Variants in PI4KA observed in about 807,000 individuals in gnomAD.
PI4KA encodes PI4-kinase alpha.
PI4KA carries 122 observed loss-of-function variants against 271.4 expected under a neutral mutation model. That is an observed-to-expected ratio of 0.45 (90% confidence interval 0.39 to 0.52). PI4KA has a LOEUF of 0.52. Ranked by LOEUF, PI4KA falls within the 20% of genes least tolerant of loss-of-function variation. PI4KA has a pLI of 0.00. For missense variants in PI4KA, 1,969 were observed against 2,769.1 expected (o/e 0.71, Z 6.48); for synonymous variants, 1,041 against 1,078.8 (o/e 0.96, Z 0.69).
chr22:20,793,500 T>C, intron 18 of PI4KA: 1 of 392,134 alleles, frequency 2.6e-6, no homozygotes, highest in South Asian at 3.8e-5. Context: ...TAATTAGATA[T>C]GACACAGCTA....
chr22:20,759,374 G>A lies in PI4KA; in HGVS notation c.2791+1930C>T, dbSNP rs553158365. ...TGATTTTTAAAAAACATTTCTTGAA[G>A]CGTTGATTTTTCTTTTTCTTTTCTT... On this transcript the variant is annotated intron_variant, in intron 23 of 54. Coordinates refer to ENST00000255882, the MANE Select transcript of PI4KA (RefSeq NM_058004.4). Among the ~76,000 whole-genome samples, 5 of 148,180 alleles carry A rather than the reference G, an allele frequency of 3.4e-5. No homozygotes were observed. In the South Asian group the frequency reaches 8.7e-4, roughly 26 times the overall value.
chr22:20,708,075 T>C lies in PI4KA; in HGVS notation c.6281A>G (p.Gln2094Arg). 6.2e-7 allele frequency: 1 copy of C among 1,613,564 alleles called. No individual in the cohort carries two copies. The highest frequency in any genetic ancestry group is 8.5e-7 in the Non-Finnish European group (1 of 1,179,566). The change falls in exon 55 of 55, where the codon CAG becomes CGG. Residue 2094 changes from glutamine (Q) to arginine (R), a missense_variant. Coordinates refer to ENST00000255882, the MANE Select transcript of PI4KA (RefSeq NM_058004.4). ...GTAGGGGATGTCATTCTGATAGTAC[T>C]GGATCATGTCGTAGGTCCGGCTCCT... ...SNRSRTYDMIQYYQNDIPY is the reference protein window; with the variant it reads ...SNRSRTYDMIRYYQNDIPY
At chr22:20,786,670 G>C (rs538492371) in intron 19 of PI4KA, among the ~76,000 whole-genome samples, 36 of 152,264 alleles carry the variant, frequency 2.4e-4, no homozygotes, top group African/African-American at 8.7e-4. Context: ...TGCCAAGAGG[G>C]AACATGAACC....
At chr22:20,747,853 G>T in intron 28 of PI4KA, 151 bp from the exon 29 acceptor site, 1 of 734,154 alleles carries the variant, frequency 1.4e-6, no homozygotes, top group Non-Finnish European at 2.2e-6. Flanking sequence ...TCCCGCCTCA[G>T]CTTCCCAAGT....
chr22:20,804,831 T>C (rs1935542231), intron 11 of PI4KA, 143 bp downstream of exon 11: 3 of 692,562 alleles, frequency 4.3e-6, no homozygotes, highest in Non-Finnish European at 5.1e-6. Context: ...TGCTCCACTC[T>C]GCACGTGCCC....
intron 19 of PI4KA, among the ~76,000 whole-genome samples, chr22:20,784,479 G>A (rs893177499): frequency 1.3e-5 from 2 of 152,164 alleles, no homozygotes; most frequent in African/African-American, 4.8e-5. Flanking sequence ...AGAAGTTAGA[G>A]GCAGATGACT....
rs1929553706 is a variant in PI4KA at position 20,742,314 on chromosome 22, G to A, written c.3655C>T (p.Leu1219Phe). ...ATGCCATGCTCATTGAACATCCGGA[G>A]GGGACCCCAGCACAGATGATGAAGG... ...QLLHHLCWGP[L>F]RMFNEHGMET... Residue 1219 changes from leucine to phenylalanine, a missense_variant, in exon 32 of 55, where the codon CTC becomes TTC. Physicochemically the swap from Leu to Phe is conservative, Grantham distance 22. Around this residue, in one of 13 missense-constraint regions of PI4KA, gnomAD observed 203 missense variants for 256.8 expected, o/e 0.79. Transcript: ENST00000255882. 5.0e-6 allele frequency: 8 copies of A among 1,614,170 alleles called. No individual in the cohort carries two copies. The East Asian group carries it at 1.8e-4, about 36-fold the overall frequency.
intron 29 of PI4KA, 47 bp from the exon 30 acceptor site, chr22:20,744,767 T>C: frequency 6.8e-7 from 1 of 1,469,342 alleles, no homozygotes; most frequent in Non-Finnish European, 9.5e-7. Context: ...CACTATCCTT[T>C]CCTCGTGTTT....
chr22:20,751,897 A>G (rs1432327588), intron 25 of PI4KA, 142 bp from the exon 26 acceptor site: 7 of 692,064 alleles, frequency 1.0e-5, no homozygotes, highest in African/African-American at 1.8e-5. Flanking sequence ...TTGCAGCAGG[A>G]TGCCTGGCCT....
rs569839085 is a variant in PI4KA at position 20,832,270 on chromosome 22, C to T, written c.367+2292G>A. On this transcript the variant is annotated intron_variant, in intron 3 of 54. Coordinates refer to ENST00000255882, the MANE Select transcript of PI4KA (RefSeq NM_058004.4). ...AGCTGGGATTTACAGGCGTGCGCCA[C>T]CACACCCAGCCGATTTTTGTATTTT... 2.6e-4 allele frequency among the ~76,000 whole-genome samples: 39 copies of T among 151,886 alleles called. No individual in the cohort carries two copies. The East Asian group carries it at 3.7e-3, about 14-fold the overall frequency.
At chr22:20,812,994 G>C (rs373766367) in intron 8 of PI4KA, among the ~76,000 whole-genome samples, 1 of 152,122 alleles carries the variant, frequency 6.6e-6, no homozygotes, top group Non-Finnish European at 1.5e-5. Context: ...CCCAAATAGA[G>C]CCACCCCTTA....
At chr22:20,743,770 C>G (rs1488041239) in intron 30 of PI4KA, among the ~76,000 whole-genome samples, 2 of 152,078 alleles carry the variant, frequency 1.3e-5, no homozygotes, top group African/African-American at 4.8e-5. Context: ...ATGGCATAGA[C>G]TAGGCTGGGC....
chr22:20,739,263 G>A (rs1183746179), intron 32 of PI4KA, among the ~76,000 whole-genome samples: 6 of 151,172 alleles, frequency 4.0e-5, no homozygotes, highest in Admixed American at 6.6e-5. Context: ...GGAGAATGGC[G>A]TGAACCCGGG....
intron 23 of PI4KA, among the ~76,000 whole-genome samples, chr22:20,754,675 C>A (rs1381695871): frequency 1.3e-5 from 2 of 152,172 alleles, no homozygotes; most frequent in African/African-American, 4.8e-5. Context: ...GTTGGCCAGG[C>A]ATGGTGGCTC....
intron 42 of PI4KA, chr22:20,721,968 T>C (rs965967806): frequency 1.3e-5 from 2 of 156,502 alleles, no homozygotes; most frequent in Non-Finnish European, 2.8e-5. Context: ...CCCTTGTTGA[T>C]CTCATGACAG....
intron 38 of PI4KA, 60 bp from the exon 39 acceptor site, chr22:20,729,566 C>T: frequency 6.4e-7 from 1 of 1,551,624 alleles, no homozygotes; most frequent in Non-Finnish European, 8.7e-7. Flanking sequence ...CACACACTGC[C>T]CCGGCCACCA....
At chr22:20,716,369 G>A (rs1926008907) in intron 45 of PI4KA, among the ~76,000 whole-genome samples, 1 of 152,210 alleles carries the variant, frequency 6.6e-6, no homozygotes, top group South Asian at 2.1e-4. Flanking sequence ...CCCTTTCTCA[G>A]TGAGTGCTCA....
At chr22:20,849,464 G>A (rs1409776452) in intron 1 of PI4KA, among the ~76,000 whole-genome samples, 3 of 152,076 alleles carry the variant, frequency 2.0e-5, no homozygotes, top group Non-Finnish European at 4.4e-5. Context: ...ACTAATGAAT[G>A]GATAAAATAT....
rs547795989 is a variant in PI4KA, at chr22:20,841,170, G to A, written c.157-2439C>T. On this transcript the variant is annotated intron_variant, in intron 1 of 54. Coordinates refer to ENST00000255882, the MANE Select transcript of PI4KA (RefSeq NM_058004.4). ...GCTGAGATTACAGGCATGAGCCATC[G>A]CACCCTGCCACCAAGGCTTTCTTTT... Among the ~76,000 whole-genome samples, 3 of 152,112 alleles carry A rather than the reference G, an allele frequency of 2.0e-5. No homozygotes were observed. The South Asian group carries it at 6.2e-4, about 32-fold the overall frequency.
Sources: gnomAD v4.1 joint callset for allele counts (sites outside exome capture counted in the v4.1 genomes callset) on GRCh38, gnomAD v4.1.1 for gene constraint, gnomAD v4.1.1 regional missense constraint, MANE v1.5 for transcripts, NCBI Gene and HGNC (gene_info 2026-07-23, HGNC 2026-07-21) for gene names.